The following ABCD2 variants were observed in gnomAD, a reference collection of about 807,000 sequenced individuals.
ABCD2 encodes the protein ATP-binding cassette sub-family D member 2.
In ABCD2, 36 loss-of-function variants were observed where a neutral mutation model predicts 70.9. That is an observed-to-expected ratio of 0.51 (90% confidence interval 0.39 to 0.67). The LOEUF (loss-of-function observed/expected upper bound fraction) is 0.67. Ranked by LOEUF, ABCD2 falls within the 30% of genes least tolerant of loss-of-function variation. ABCD2 has a pLI of 0.00. For synonymous variants in ABCD2, 304 were observed against 306.9 expected, an observed-to-expected ratio of 0.99 and a Z score of 0.10; for missense variants, 729 against 890.2, an observed-to-expected ratio of 0.82 and a Z score of 2.30.
the ABCD2 span, among the ~76,000 whole-genome samples, chr12:39,545,012 A>G: frequency 5.9e-5 from 9 of 152,246 alleles, no homozygotes; most frequent in Non-Finnish European, 7.3e-5. Context: ...TTTAGAATTT[A>G]GCTTAAACTG....
In ABCD2 at chr12:39,619,727, C is replaced by A; in HGVS notation, c.-112G>T. Reference sequence around the variant, plus strand: ...TCCTACAGCGTCCCATAGTCTGCAGCGTTTCTCTTCCACTGTTGTGTTTTT... The same window carrying A: ...TCCTACAGCGTCCCATAGTCTGCAGAGTTTCTCTTCCACTGTTGTGTTTTT... On this transcript the variant is annotated 5_prime_UTR_variant, in exon 1 of 10. Coordinates refer to ENST00000308666, the MANE Select transcript of ABCD2 (RefSeq NM_005164.4). The A allele has an allele frequency of 1.1e-6, 1 of 919,618 alleles. No individual in the cohort carries two copies. The highest frequency in any genetic ancestry group is 2.6e-5 in the East Asian group (1 of 37,920). The allele number at this position is 919,618 out of a possible 1,614,324, so 57.0% of individuals were successfully genotyped here. A position where few individuals can be genotyped will look rare whatever the true frequency, so the allele number is the denominator to read the frequency against.
At chr12:39,547,569 G>T (rs949304969), downstream of ABCD2, among the ~76,000 whole-genome samples, 116 of 152,138 alleles carry the variant, frequency 7.6e-4, no homozygotes, top group African/African-American at 2.7e-3. Context: ...TCACAAAAAA[G>T]CAAATACTGT....
rs778036983 is a variant in ABCD2 at position 39,619,571 on chromosome 12, G to C, written c.45C>G (p.Thr15=). The change falls in exon 1 of 10, where the codon ACC becomes ACG. Residue 15 remains threonine (T), a synonymous_variant. Transcript: ENST00000308666. ...CAGCCCTCTTAGCAGCACTCGATCT[G>C]GTCCATTTCACTCGATCAGCTGCTG... The part of the protein sequence containing the change: ...LNAAADRVKW[T]RSSAAKRAAC... The C allele has an allele frequency of 5.0e-6, 8 of 1,610,880 alleles. No homozygotes were observed. In the Admixed American group the frequency reaches 1.3e-4, roughly 27 times the overall value.
At chr12:39,589,799 A>T (rs1350343421) in intron 6 of ABCD2, among the ~76,000 whole-genome samples, 1 of 149,846 alleles carries the variant, frequency 6.7e-6, no homozygotes. Flanking sequence ...TCATAAGCTT[A>T]TATATTTATT....
chr12:39,576,889 AT>A (rs1361630824), intron 8 of ABCD2, among the ~76,000 whole-genome samples: 2 of 152,198 alleles, frequency 1.3e-5, no homozygotes, highest in African/African-American at 4.8e-5. Context: ...AAATATGTGT[AT>A]TTAGTATATA....
intron 9 of ABCD2, among the ~76,000 whole-genome samples, chr12:39,559,471 TAAATC>T (rs1053445926): frequency 1.2e-3 from 169 of 146,812 alleles, no homozygotes; most frequent in African/African-American, 4.0e-3. Context: ...CTTATTTAAA[TAAATC>T]ATAGCAGAAA....
At chr12:39,532,420 A>AT in the ABCD2 span, among the ~76,000 whole-genome samples, 48 of 151,912 alleles carry the variant, frequency 3.2e-4, no homozygotes, top group South Asian at 3.1e-3. Flanking sequence ...ATTGGGTTCT[A>AT]TTTTTTTTGC....
chr12:39,568,096 T>G (rs952061616), intron 9 of ABCD2, among the ~76,000 whole-genome samples: 1 of 152,002 alleles, frequency 6.6e-6, no homozygotes, highest in Non-Finnish European at 1.5e-5. Context: ...ATCTGACAAT[T>G]ATGTGTCTTG....
At chr12:39,604,074 T>G in intron 4 of ABCD2, 68 bp from the exon 5 acceptor site, 1 of 1,079,612 alleles carries the variant, frequency 9.3e-7, no homozygotes, top group Admixed American at 1.8e-5. Flanking sequence ...CGTAAATTAT[T>G]ATGCAGTATA....
intron 2 of ABCD2, among the ~76,000 whole-genome samples, chr12:39,615,644 A>G (rs1942105608): frequency 6.6e-6 from 1 of 152,096 alleles, no homozygotes; most frequent in South Asian, 2.1e-4. Flanking sequence ...ACTTGCCACA[A>G]AGAAAGGCTG....
chr12:39,582,307 G>T (rs576283358), intron 7 of ABCD2, among the ~76,000 whole-genome samples: 2 of 152,250 alleles, frequency 1.3e-5, no homozygotes, highest in African/African-American at 2.4e-5. Flanking sequence ...CTTGCCATGG[G>T]ACTCTGAGTA....
intron 9 of ABCD2, among the ~76,000 whole-genome samples, chr12:39,562,342 G>A (rs1247104234): frequency 6.6e-6 from 1 of 151,670 alleles, no homozygotes; most frequent in East Asian, 1.9e-4. Flanking sequence ...ATATACATCA[G>A]AGTGGAAACA....
chr12:39,548,429 G>A (rs1941047309), downstream of ABCD2, among the ~76,000 whole-genome samples: 1 of 152,030 alleles, frequency 6.6e-6, no homozygotes, highest in Non-Finnish European at 1.5e-5. Flanking sequence ...ACCTATGTGA[G>A]TCTTGGAAAC....
At chr12:39,575,141 T>C (rs899577401) in intron 8 of ABCD2, among the ~76,000 whole-genome samples, 3 of 152,162 alleles carry the variant, frequency 2.0e-5, no homozygotes, top group African/African-American at 7.2e-5. Flanking sequence ...AAGTGAAAGG[T>C]TGAGTAAAAT....
chr12:39,560,254 TGTG>T (rs1053000559), intron 9 of ABCD2, among the ~76,000 whole-genome samples: 10 of 152,280 alleles, frequency 6.6e-5, no homozygotes, highest in African/African-American at 2.4e-4. Context: ...AGTGAGAACA[TGTG>T]GTGTTTGGTT....
Position 39,619,026 on chromosome 12 carries a change from A to G in ABCD2, c.590T>C (p.Ile197Thr). The change falls in exon 1 of 10, where the codon ATC becomes ACC. Residue 197 changes from isoleucine to threonine, a missense_variant. Physicochemically the swap from Ile to Thr is moderately conservative, Grantham distance 89. Coordinates refer to ENST00000308666, the MANE Select transcript of ABCD2 (RefSeq NM_005164.4). ...YFTNQTYYKV[I>T]NMDGRLANPD... ...GTTTGCCAGCCTCCCATCCATATTG[A>G]TCACTTTATAATAAGTCTGATTTGT... is the stretch of plus-strand genomic sequence containing the variant. 6.2e-7 allele frequency: 1 copy of G among 1,614,208 alleles called. No homozygotes were observed. The highest frequency in any genetic ancestry group is 1.1e-5 in the South Asian group (1 of 91,080).
intron 6 of ABCD2, among the ~76,000 whole-genome samples, chr12:39,591,057 A>G (rs1380651491): frequency 3.3e-5 from 5 of 152,202 alleles, no homozygotes; most frequent in East Asian, 1.9e-4. Flanking sequence ...AGCAATGTTA[A>G]CTGTATTTAA....
Position 39,600,605 on chromosome 12 carries a change from G to T in ABCD2, c.1612C>A (p.Pro538Thr), listed in dbSNP as rs923925749. The T allele has an allele frequency of 6.2e-7, 1 of 1,609,648 alleles. No individual in the cohort carries two copies. The highest frequency in any genetic ancestry group is 1.1e-5 in the South Asian group (1 of 89,966). Residue 538 changes from proline (P) to threonine (T), a missense_variant, in exon 6 of 10, where the codon CCA (proline) becomes ACA (threonine). Around this residue, in one of 3 missense-constraint regions of ABCD2, gnomAD observed 289 missense variants for 328.8 expected, o/e 0.88. Coordinates refer to ENST00000308666, the MANE Select transcript of ABCD2 (RefSeq NM_005164.4). ...ATATAAAACATATGTTGAGGAGGTG[G>T]TTTATAGAGGACTCCTTCATACACA... ...WPVYEGVLYKPPPQHMFYIPQ... is the reference protein window; with the variant it reads ...WPVYEGVLYKTPPQHMFYIPQ...
the ABCD2 span, among the ~76,000 whole-genome samples, chr12:39,536,022 C>T: frequency 2.0e-5 from 3 of 152,044 alleles, no homozygotes; most frequent in East Asian, 5.8e-4. Flanking sequence ...ACCTGGCAGG[C>T]GAGGCTGCAG....
Sources: gnomAD v4.1 joint callset for allele counts (sites outside exome capture counted in the v4.1 genomes callset) on GRCh38, gnomAD v4.1.1 for gene constraint, gnomAD v4.1.1 regional missense constraint, MANE v1.5 for transcripts, NCBI Gene and HGNC (gene_info 2026-07-23, HGNC 2026-07-21) for gene names.